The following WWOX variants were observed in gnomAD, a reference collection of about 807,000 sequenced individuals.
The protein encoded by WWOX is WW domain containing oxidoreductase.
Under a neutral mutation model 46.2 loss-of-function variants are expected in WWOX, and 69 were observed. The observed-to-expected ratio is 1.49, with a 90% CI of 1.23 to 1.82. The LOEUF is 1.82. Ranked by LOEUF, WWOX falls within the 40% of genes most tolerant of loss-of-function variation. The pLI is 0.00. For synonymous variants in WWOX, 359 were observed against 202.6 expected (o/e 1.77, Z -6.56); for missense variants, 919 against 542.6 (o/e 1.69, Z -6.89).
At position 78,815,830 on chromosome 16, in the gene WWOX, G is replaced by C. The variant is rs575916990; in HGVS notation, c.1056+383078G>C. On this transcript the variant is annotated intron_variant, in intron 8 of 8. Coordinates refer to ENST00000566780, the MANE Select transcript of WWOX (RefSeq NM_016373.4). ...CCTCTTGCTGCTTGGCTGCCTATGAGTCCATGCTGACATCTGGCTCTGTCT... is the reference window on the plus strand; with the variant it reads ...CCTCTTGCTGCTTGGCTGCCTATGACTCCATGCTGACATCTGGCTCTGTCT... Among the ~76,000 whole-genome samples, 5 of 152,270 alleles carry C rather than the reference G, an allele frequency of 3.3e-5. No homozygotes were observed. In the East Asian group the frequency reaches 7.7e-4, roughly 24 times the overall value.
chr16:78,881,401 A>C (rs560255799), intron 8 of WWOX, among the ~76,000 whole-genome samples: 2 of 152,230 alleles, frequency 1.3e-5, no homozygotes, highest in African/African-American at 4.8e-5. Flanking sequence ...CAGAACTTCT[A>C]GGAAACTAAT....
intron 8 of WWOX, chr16:79,004,100 GTTT>G (rs1267783309): frequency 1.3e-5 from 2 of 152,134 alleles, no homozygotes; most frequent in African/African-American, 4.8e-5. Flanking sequence ...CCATCATCTT[GTTT>G]GCATACTTGT....
intron 8 of WWOX, among the ~76,000 whole-genome samples, chr16:78,984,487 C>A (rs890839181): frequency 5.3e-5 from 8 of 152,140 alleles, no homozygotes; most frequent in African/African-American, 1.9e-4. Flanking sequence ...TGGGTGTGGC[C>A]GTGTGCCAAT....
intron 8 of WWOX, among the ~76,000 whole-genome samples, chr16:78,827,908 C>T (rs2051707713): frequency 6.6e-6 from 1 of 152,170 alleles, no homozygotes. Context: ...GGGAACCAGG[C>T]ACTGCACCTC....
intron 8 of WWOX, among the ~76,000 whole-genome samples, chr16:79,119,676 C>A (rs756241570): frequency 6.6e-6 from 1 of 152,166 alleles, no homozygotes; most frequent in East Asian, 1.9e-4. Context: ...ACTGTCCAGC[C>A]GGGAGGACAG....
At chr16:78,466,178 C>T (rs1004898245) in intron 8 of WWOX, among the ~76,000 whole-genome samples, 3 of 152,032 alleles carry the variant, frequency 2.0e-5, no homozygotes, top group Admixed American at 1.3e-4. Context: ...ACTATAGGTG[C>T]CCGCCACCAT....
intron 8 of WWOX, among the ~76,000 whole-genome samples, chr16:78,436,768 C>A (rs1014133585): frequency 2.0e-5 from 3 of 151,546 alleles, no homozygotes; most frequent in Non-Finnish European, 4.4e-5. Context: ...GGTCATTTTC[C>A]TAGTAAGATA....
At chr16:78,782,125 C>T (rs890650522) in intron 8 of WWOX, among the ~76,000 whole-genome samples, 23 of 152,098 alleles carry the variant, frequency 1.5e-4, no homozygotes, top group African/African-American at 5.6e-4. Context: ...AAATCACCAC[C>T]TTCACTGGCT....
chr16:79,168,933 T>G (rs572668812), intron 8 of WWOX, among the ~76,000 whole-genome samples: 1 of 152,252 alleles, frequency 6.6e-6, no homozygotes, highest in South Asian at 2.1e-4. Context: ...GTTTTCCTTA[T>G]ACAAACTATC....
chr16:79,088,247 A>G (rs2048889328), intron 8 of WWOX, among the ~76,000 whole-genome samples: 1 of 152,136 alleles, frequency 6.6e-6, no homozygotes, highest in Non-Finnish European at 1.5e-5. Flanking sequence ...ATCCCTAAGC[A>G]CAGCCTGTGG....
chr16:78,638,130 G>T (rs980616711), intron 8 of WWOX, among the ~76,000 whole-genome samples: 3 of 152,092 alleles, frequency 2.0e-5, no homozygotes, highest in Admixed American at 6.5e-5. Flanking sequence ...CCAATATCAG[G>T]CACTACCCTC....
intron 8 of WWOX, among the ~76,000 whole-genome samples, chr16:78,786,977 G>A (rs574636101): frequency 1.3e-5 from 2 of 152,250 alleles, no homozygotes; most frequent in East Asian, 1.9e-4. Flanking sequence ...ATGAAACCCT[G>A]TCTCTACTAA....
intron 5 of WWOX, among the ~76,000 whole-genome samples, chr16:78,312,632 C>A (rs1386485198): frequency 6.6e-6 from 1 of 152,182 alleles, no homozygotes; most frequent in Non-Finnish European, 1.5e-5. Flanking sequence ...ACCTTGGCCT[C>A]CCAAAGTGCT....
chr16:78,376,480 G>C (rs1371535276), intron 5 of WWOX, among the ~76,000 whole-genome samples: 1 of 152,138 alleles, frequency 6.6e-6, no homozygotes, highest in Non-Finnish European at 1.5e-5. Flanking sequence ...ATCAACTTCT[G>C]TATTATTTGT....
Position 78,341,114 on chromosome 16 carries a change from A to G in WWOX, c.517-45746A>G, listed in dbSNP as rs187398864. On this transcript the variant is annotated intron_variant, in intron 5 of 8. Transcript: ENST00000566780. ...TGTCCCCATGGCTAGCTTAAGACTC[A>G]GCTCTCTTAAGTCACTTCCTAGTTG... is the stretch of plus-strand genomic sequence containing the variant. 5.4e-3 allele frequency among the ~76,000 whole-genome samples: 517 copies of G among 96,334 alleles called. 107 individuals carry two copies. The highest frequency in any genetic ancestry group is 0.021 in the African/African-American group (492 of 23,844). The allele number at this position is 96,334 out of a possible 152,430, so 63.2% of individuals were successfully genotyped here. A position where few individuals can be genotyped will look rare whatever the true frequency, so the allele number is the denominator to read the frequency against.
chr16:78,413,191 T>TC, intron 6 of WWOX, among the ~76,000 whole-genome samples: 1 of 152,146 alleles, frequency 6.6e-6, no homozygotes, highest in South Asian at 2.1e-4. Flanking sequence ...CAAATCAATC[T>TC]CCCCGAGAAT....
At chr16:78,261,490 C>T (rs1251094923) in intron 5 of WWOX, among the ~76,000 whole-genome samples, 1 of 150,400 alleles carries the variant, frequency 6.6e-6, no homozygotes, top group African/African-American at 2.4e-5. Flanking sequence ...AAGAAAGCCA[C>T]TCAAATTCCA....
At chr16:78,116,408 T>A (rs1449634267) in intron 4 of WWOX, among the ~76,000 whole-genome samples, 1 of 152,208 alleles carries the variant, frequency 6.6e-6, no homozygotes, top group Non-Finnish European at 1.5e-5. Flanking sequence ...AGGTGTGAAA[T>A]CTACCAGGTT....
chr16:79,048,070 C>T (rs1038902846), intron 8 of WWOX, among the ~76,000 whole-genome samples: 4 of 152,114 alleles, frequency 2.6e-5, no homozygotes, highest in Non-Finnish European at 5.9e-5. Flanking sequence ...CTCACGTCTT[C>T]TAGGATATCA....
Sources: allele counts gnomAD v4.1 joint callset (sites outside exome capture counted in the v4.1 genomes callset), GRCh38; gene constraint gnomAD v4.1.1; transcripts MANE v1.5; gene names NCBI Gene and HGNC (gene_info 2026-07-23, HGNC 2026-07-21).